The following PDE10A variants were observed in gnomAD, a reference collection of about 807,000 sequenced individuals.
The protein encoded by PDE10A is cAMP and cAMP-inhibited cGMP 3',5'-cyclic phosphodiesterase 10A.
In PDE10A, 39 loss-of-function variants were observed where a neutral mutation model predicts 97.7. The ratio of observed to expected loss-of-function variants is 0.40; its 90% CI spans 0.31 to 0.52. PDE10A has a LOEUF of 0.52. Ranked by LOEUF, PDE10A falls within the 20% of genes least tolerant of loss-of-function variation. PDE10A has a pLI of 0.56. For missense variants in PDE10A, 731 were observed against 1,047.8 expected, an observed-to-expected ratio of 0.70 and a Z score of 4.17; for synonymous variants, 371 against 376.8, an observed-to-expected ratio of 0.98 and a Z score of 0.18.
chr6:165,622,251 T>C (rs1788174188), intron 1 of PDE10A, among the ~76,000 whole-genome samples: 1 of 150,762 alleles, frequency 6.6e-6, no homozygotes, highest in Admixed American at 6.6e-5. Flanking sequence ...CCTCTCTCTG[T>C]CTCTGTATAT....
intron 1 of PDE10A, among the ~76,000 whole-genome samples, chr6:165,617,900 C>A (rs1787801102): frequency 1.3e-5 from 2 of 152,098 alleles, no homozygotes; most frequent in Non-Finnish European, 2.9e-5. Flanking sequence ...ATTAAGGCTT[C>A]TTTTCCCCCA....
chr6:165,793,359 C>T (rs535341628), intron 1 of PDE10A, among the ~76,000 whole-genome samples: 3 of 152,070 alleles, frequency 2.0e-5, no homozygotes, highest in African/African-American at 4.8e-5. Flanking sequence ...TTCCAAAATC[C>T]TGTCATCAGA....
At chr6:165,539,927 A>AAATCAATCAATC (rs56664263) in intron 2 of PDE10A, among the ~76,000 whole-genome samples, 23,519 of 151,674 alleles carry the variant, frequency 0.16, 3,608 homozygotes, top group African/African-American at 0.38. Context: ...CTTTGCTCAA[A>AAATCAATCAATC]AATCAATCAA....
rs188676780 is a variant in PDE10A at position 165,592,904 on chromosome 6, A to G, written c.866-49336T>C. Among the ~76,000 whole-genome samples, 875 of 152,304 alleles carry G rather than the reference A, an allele frequency of 5.7e-3. 12 individuals are homozygous for G. Among genetic ancestry groups the G allele is most frequent in the African/African-American group, 0.02 (833 of 41,556 alleles). On this transcript the variant is annotated intron_variant, in intron 1 of 21. Coordinates refer to ENST00000539869, the MANE Select transcript of PDE10A (RefSeq NM_001385079.1). ...AAGTCAGTGTGGCAATTCCTCAGGG[A>G]TCTAGAACTAGAAATACCATTTGAC...
chr6:165,923,255 A>T (rs985214288), intron 1 of PDE10A, among the ~76,000 whole-genome samples: 16 of 152,224 alleles, frequency 1.1e-4, no homozygotes, highest in Non-Finnish European at 2.2e-4. Flanking sequence ...ATAGTTACTG[A>T]CCAATGTTAA....
At chr6:165,495,063 T>C (rs1040321056) in intron 2 of PDE10A, among the ~76,000 whole-genome samples, 3 of 152,184 alleles carry the variant, frequency 2.0e-5, no homozygotes, top group African/African-American at 7.2e-5. Context: ...CACCAGCCAT[T>C]TCTAGCATCT....
chr6:165,469,965 C>T (rs1463677480), intron 3 of PDE10A, among the ~76,000 whole-genome samples: 2 of 152,200 alleles, frequency 1.3e-5, no homozygotes, highest in Non-Finnish European at 2.9e-5. Flanking sequence ...CTTGTGCTTT[C>T]CGTTCCACCC....
chr6:165,985,438 A>G (rs980207577), intron 1 of PDE10A, among the ~76,000 whole-genome samples: 3 of 152,202 alleles, frequency 2.0e-5, no homozygotes, highest in African/African-American at 4.8e-5. Context: ...TTCTAGGCAA[A>G]GAAGTACCCA....
rs142346619 is a variant in PDE10A, at chr6:165,483,641, A to G, written c.995-1298T>C. On this transcript the variant is annotated intron_variant, in intron 2 of 21. Transcript: ENST00000539869. ...ATTTTTTAAAGTTTTGATCTAAAAT[A>G]TTTAATGAGAATGTTTGAAAAAGTC... Among the ~76,000 whole-genome samples the G allele has an allele frequency of 5.1e-4, 77 of 152,352 alleles. 1 individual carries two copies. In the East Asian group the frequency reaches 0.015, roughly 29 times the overall value.
chr6:165,524,338 T>G (rs1231316297), intron 2 of PDE10A, among the ~76,000 whole-genome samples: 1 of 152,170 alleles, frequency 6.6e-6, no homozygotes, highest in Non-Finnish European at 1.5e-5. Flanking sequence ...TGGAGTTGGC[T>G]GCTTAATATG....
chr6:165,832,290 A>G (rs889107976), intron 1 of PDE10A, among the ~76,000 whole-genome samples: 3 of 152,134 alleles, frequency 2.0e-5, no homozygotes, highest in Non-Finnish European at 4.4e-5. Flanking sequence ...TTCTGGAGGA[A>G]GGAACGAAAC....
At chr6:165,656,083 T>C (rs533527407) in intron 1 of PDE10A, among the ~76,000 whole-genome samples, 3 of 151,988 alleles carry the variant, frequency 2.0e-5, no homozygotes, top group Non-Finnish European at 4.4e-5. Context: ...TGGCTGGTTC[T>C]TGTCTGCACC....
intron 1 of PDE10A, among the ~76,000 whole-genome samples, chr6:165,678,384 G>A (rs573113668): frequency 1.3e-5 from 2 of 150,474 alleles, no homozygotes; most frequent in Non-Finnish European, 3.0e-5. Context: ...GATTCTTCCC[G>A]TTATGAAGCC....
chr6:165,470,296 TA>T (rs1778912654), intron 3 of PDE10A, among the ~76,000 whole-genome samples: 1 of 152,228 alleles, frequency 6.6e-6, no homozygotes, highest in African/African-American at 2.4e-5. Flanking sequence ...TGACTCCACG[TA>T]ATTCTAACTT....
At chr6:165,878,134 C>T (rs983964177) in intron 1 of PDE10A, among the ~76,000 whole-genome samples, 1 of 152,196 alleles carries the variant, frequency 6.6e-6, no homozygotes, top group Admixed American at 6.5e-5. Flanking sequence ...CTTCATGAGA[C>T]ACCAATGCCC....
At chr6:165,987,745 G>A (rs1028112628) in exon 1 of PDE10A, 10 of 456,392 alleles carry the variant, frequency 2.2e-5, no homozygotes, top group Non-Finnish European at 4.4e-5. Context: ...GCTCCGCTCA[G>A]CAGGCAGATT....
intron 1 of PDE10A, among the ~76,000 whole-genome samples, chr6:165,740,215 G>A (rs571400990): frequency 6.6e-6 from 1 of 152,162 alleles, no homozygotes; most frequent in Non-Finnish European, 1.5e-5. Context: ...GAACCTAAGT[G>A]TCAACAGACA....
intron 2 of PDE10A, among the ~76,000 whole-genome samples, chr6:165,487,060 G>A (rs538927024): frequency 5.9e-5 from 9 of 152,330 alleles, no homozygotes; most frequent in East Asian, 1.9e-4. Flanking sequence ...GATCCGCGAC[G>A]CATTTGTGAA....
At chr6:165,399,787 G>A (rs1426308701) in intron 13 of PDE10A, among the ~76,000 whole-genome samples, 1 of 152,124 alleles carries the variant, frequency 6.6e-6, no homozygotes, top group Non-Finnish European at 1.5e-5. Flanking sequence ...AGTATTCCAT[G>A]GTGTATATGT....
Sources: allele counts gnomAD v4.1 joint callset (sites outside exome capture counted in the v4.1 genomes callset), GRCh38; gene constraint gnomAD v4.1.1; transcripts MANE v1.5; gene names NCBI Gene and HGNC (gene_info 2026-07-23, HGNC 2026-07-21).